Variants in PPP2R2A observed in about 807,000 individuals in gnomAD.
PPP2R2A encodes protein phosphatase 2 regulatory subunit Balpha, also known as serine/threonine-protein phosphatase 2A 55 kDa regulatory subunit B alpha isoform.
PPP2R2A carries 9 observed loss-of-function variants against 53.2 expected under a neutral mutation model. The observed-to-expected ratio is 0.17, with a 90% confidence interval of 0.10 to 0.30. The LOEUF (loss-of-function observed/expected upper bound fraction) is 0.30, where lower values mean the gene tolerates loss of function less well. Among genes scored for constraint, PPP2R2A ranks in the 10% least tolerant of loss-of-function variants. The probability of loss-of-function intolerance (pLI) is 1.00; values close to 1 mark genes in which losing one functional copy is unlikely to be tolerated. For missense variants in PPP2R2A, 235 were observed against 534.6 expected (o/e 0.44, Z 5.53); for synonymous variants, 169 against 174.2 (o/e 0.97, Z 0.23).
intron 2 of PPP2R2A, among the ~76,000 whole-genome samples, chr8:26,317,311 G>T (rs1188158047): frequency 6.6e-6 from 1 of 152,094 alleles, no homozygotes; most frequent in Non-Finnish European, 1.5e-5. Context: ...AATGTTATCT[G>T]TTTTTAAAAT....
chr8:26,355,634 G>C (rs942185540), intron 4 of PPP2R2A, among the ~76,000 whole-genome samples: 12 of 152,132 alleles, frequency 7.9e-5, no homozygotes, highest in African/African-American at 2.9e-4. Flanking sequence ...GGAGGCTGAG[G>C]CGGGTGGATC....
Position 26,338,588 on chromosome 8 carries a change from A to G in PPP2R2A, c.83-302A>G, listed in dbSNP as rs1229229239. Among the ~76,000 whole-genome samples, 6 of 152,270 alleles carry G rather than the reference A, an allele frequency of 3.9e-5. No individual in the cohort carries two copies. Among genetic ancestry groups the G allele is most frequent in the African/African-American group, 1.4e-4 (6 of 41,474 alleles). On this transcript the variant is annotated intron_variant, in intron 2 of 9. Coordinates refer to ENST00000380737, the MANE Select transcript of PPP2R2A (RefSeq NM_002717.4). The surrounding 1 kb of genome is among the most constrained non-coding windows in gnomAD (Gnocchi z 4.5). ...GATAATGTTTAAGGGTGCTATCAGA[A>G]TGATTCACAAATTGTTGATTTCTTT...
chr8:26,303,327 T>C (rs549844385), intron 2 of PPP2R2A, among the ~76,000 whole-genome samples: 2 of 152,348 alleles, frequency 1.3e-5, no homozygotes, highest in South Asian at 4.1e-4. Flanking sequence ...TTCCCCACAA[T>C]GTCTGCTCAG....
chr8:26,294,606 T>G (rs952301004), intron 2 of PPP2R2A, among the ~76,000 whole-genome samples: 11 of 152,226 alleles, frequency 7.2e-5, no homozygotes, highest in South Asian at 2.1e-4. Context: ...TCAGATAAAT[T>G]TAAACATGTA....
At chr8:26,341,788 T>C (rs1032910138) in intron 3 of PPP2R2A, among the ~76,000 whole-genome samples, 1 of 152,144 alleles carries the variant, frequency 6.6e-6, no homozygotes, top group Non-Finnish European at 1.5e-5. Flanking sequence ...GACCAAAATA[T>C]CTCCACCCAC....
chr8:26,293,220 G>T, intron 1 of PPP2R2A: 1 of 1,535,292 alleles, frequency 6.5e-7, no homozygotes, highest in South Asian at 1.2e-5. Flanking sequence ...AGGTTCATAT[G>T]AATCATTACT....
chr8:26,340,320 T>C (rs1431779907), intron 3 of PPP2R2A, among the ~76,000 whole-genome samples: 1 of 152,018 alleles, frequency 6.6e-6, no homozygotes, highest in African/African-American at 2.4e-5. Flanking sequence ...ACCTGAACTT[T>C]TGACATGTCG....
intron 3 of PPP2R2A, among the ~76,000 whole-genome samples, 164 bp downstream of exon 3, chr8:26,339,151 ATGTGTGCATG>A (rs560459954): frequency 6.6e-6 from 1 of 152,202 alleles, no homozygotes; most frequent in Non-Finnish European, 1.5e-5. Flanking sequence ...TTAGCTTTGT[ATGTGTGCATG>A]TGTGTACATG....
intron 3 of PPP2R2A, among the ~76,000 whole-genome samples, chr8:26,352,045 A>G (rs1804546940): frequency 2.0e-5 from 3 of 152,202 alleles, no homozygotes; most frequent in Non-Finnish European, 1.5e-5. Context: ...CTTTCATGCA[A>G]ATAGATTGTA....
intron 3 of PPP2R2A, among the ~76,000 whole-genome samples, chr8:26,346,843 T>TG (rs545402757): frequency 3.9e-5 from 6 of 152,170 alleles, no homozygotes; most frequent in Non-Finnish European, 8.8e-5. Flanking sequence ...ATGTTACCAG[T>TG]GGAAAGGACA....
intron 2 of PPP2R2A, among the ~76,000 whole-genome samples, chr8:26,316,778 T>A (rs1802576393): frequency 1.3e-5 from 2 of 152,218 alleles, no homozygotes; most frequent in Non-Finnish European, 2.9e-5. Context: ...CTTAGGTCTC[T>A]TTTATAGGGA....
intron 2 of PPP2R2A, among the ~76,000 whole-genome samples, chr8:26,320,665 A>G (rs1454798197): frequency 3.3e-5 from 5 of 152,084 alleles, no homozygotes; most frequent in Non-Finnish European, 7.4e-5. Flanking sequence ...GCCTTTTACA[A>G]TTGTAGGTAT....
intron 2 of PPP2R2A, among the ~76,000 whole-genome samples, chr8:26,318,488 A>T (rs1020875945): frequency 6.6e-6 from 1 of 152,204 alleles, no homozygotes; most frequent in African/African-American, 2.4e-5. Context: ...TATAGATGAA[A>T]CAAGATTGTC....
At chr8:26,368,008 A>G (rs1183551811) in intron 9 of PPP2R2A, among the ~76,000 whole-genome samples, 1 of 152,234 alleles carries the variant, frequency 6.6e-6, no homozygotes, top group Non-Finnish European at 1.5e-5. Context: ...CCTCATGATT[A>G]GATTCAGGCT....
rs180820725 is a variant in PPP2R2A, at chr8:26,367,279, G to A, written c.1064+873G>A. Reference sequence around the variant, plus strand: ...GCCTTTGAGTGCTACTACTAAACCTGAGGCATCAAGAAGAAAGAAGGAAAG... The same window carrying A: ...GCCTTTGAGTGCTACTACTAAACCTAAGGCATCAAGAAGAAAGAAGGAAAG... On this transcript the variant is annotated intron_variant, in intron 9 of 9. Transcript: ENST00000380737. 2.6e-5 allele frequency among the ~76,000 whole-genome samples: 4 copies of A among 152,086 alleles called. No individual in the cohort carries two copies. The East Asian group carries it at 5.8e-4, about 22-fold the overall frequency.
Position 26,370,115 on chromosome 8 carries a change from G to C in PPP2R2A, c.1065-19G>C. ...TCTTGTTCTGCTTGTTTGACTGAGT[G>C]TACTGTCTATTTTCACAGTGTTGTC... On this transcript the variant is annotated intron_variant, in intron 9 of 9. Coordinates refer to ENST00000380737, the MANE Select transcript of PPP2R2A (RefSeq NM_002717.4). This position sits in a 1 kb window ranked among gnomAD's most constrained non-coding sequence, Gnocchi z 6.1. The C allele has an allele frequency of 6.2e-7, 1 of 1,606,808 alleles. No homozygotes were observed. Among genetic ancestry groups the C allele is most frequent in the East Asian group, 2.2e-5 (1 of 44,698 alleles).
chr8:26,291,719 C>A lies in PPP2R2A; in HGVS notation c.-101C>A, dbSNP rs1801302426. The A allele has an allele frequency of 8.2e-7, 1 of 1,226,888 alleles. No homozygotes were observed. The highest frequency in any genetic ancestry group is 1.4e-5 in the South Asian group (1 of 71,534). 76.0% of individuals were successfully genotyped at this position (1,226,888 alleles called of 1,614,324 possible). A position where few individuals can be genotyped will look rare whatever the true frequency, so the allele number is the denominator to read the frequency against. On this transcript the variant is annotated 5_prime_UTR_variant, in exon 1 of 10. Coordinates refer to ENST00000380737, the MANE Select transcript of PPP2R2A (RefSeq NM_002717.4). ...CCCTCCCCCCGCAGGTGCCATCCGC[C>A]GCCATCCGCCCTCTCTACCCCCCCA...
rs1335063516 is a variant in PPP2R2A at position 26,291,777 on chromosome 8, G to A, written c.-43G>A. Reference sequence around the variant, plus strand: ...GTGAGGGGGGTGAGTTCAGGAAGCGGAGACCCCGAGGAACCCAGCAGGGTC... The same window carrying A: ...GTGAGGGGGGTGAGTTCAGGAAGCGAAGACCCCGAGGAACCCAGCAGGGTC... On this transcript the variant is annotated 5_prime_UTR_variant, in exon 1 of 10. Transcript: ENST00000380737. The A allele has an allele frequency of 6.3e-7, 1 of 1,592,588 alleles. No individual in the cohort carries two copies. The highest frequency in any genetic ancestry group is 1.4e-5 in the African/African-American group (1 of 73,006).
At chr8:26,293,395 A>G (rs188673019) in intron 1 of PPP2R2A, 3 of 892,610 alleles carry the variant, frequency 3.4e-6, no homozygotes, top group East Asian at 5.3e-5. Flanking sequence ...TAAGGCTTTT[A>G]CTGTATTTGA....
Sources: allele counts gnomAD v4.1 joint callset (sites outside exome capture counted in the v4.1 genomes callset), GRCh38; gene constraint gnomAD v4.1.1; non-coding constraint Gnocchi (gnomAD v3.1); transcripts MANE v1.5; gene names NCBI Gene and HGNC (gene_info 2026-07-23, HGNC 2026-07-21).